The following ANKDD1A variants were observed in gnomAD, a reference collection of about 807,000 sequenced individuals.
ANKDD1A encodes the protein ankyrin repeat and death domain containing 1A, also known as ankyrin repeat and death domain-containing protein 1A.
In ANKDD1A, 59 loss-of-function variants were observed where a neutral mutation model predicts 63.5. That is an observed-to-expected ratio of 0.93 (90% CI 0.75 to 1.15). The LOEUF is 1.15. Among genes scored for constraint, ANKDD1A ranks in the 50% most tolerant of loss-of-function variants. The probability of loss-of-function intolerance (pLI) is 0.00; values close to 1 mark genes in which losing one functional copy is unlikely to be tolerated. For missense variants in ANKDD1A, 632 were observed against 656.4 expected (o/e 0.96, Z 0.41); for synonymous variants, 266 against 263.9 (o/e 1.01, Z -0.08).
chr15:64,948,877 G>A (rs200428140), intron 13 of ANKDD1A, among the ~76,000 whole-genome samples: 3 of 152,270 alleles, frequency 2.0e-5, no homozygotes, highest in East Asian at 3.9e-4. Flanking sequence ...ATTGACATTT[G>A]CATATCAATT....
rs1258125279 is a variant in ANKDD1A, at chr15:64,949,932, G to A, written c.1443G>A (p.Leu481=). 6.2e-7 allele frequency: 1 copy of A among 1,609,830 alleles called. No individual in the cohort carries two copies. Among genetic ancestry groups the A allele is most frequent in the Non-Finnish European group, 8.5e-7 (1 of 1,179,984 alleles). The change falls in exon 14 of 15, where the codon CTG becomes CTA. Residue 481 remains leucine (L), a synonymous_variant. Coordinates refer to ENST00000319580, the MANE Select transcript of ANKDD1A (RefSeq NM_182703.6). ...ATAGENPSKA[L]FEGLVAIGRR... is the part of the protein sequence containing the mutation. ...CTGGTGAGAACCCCAGCAAAGCGCT[G>A]TTCGAGGGCCTCGTGGCCATTGGCA...
intron 14 of ANKDD1A, 172 bp downstream of exon 14, chr15:64,950,144 C>T: frequency 2.0e-6 from 2 of 985,428 alleles, no homozygotes; most frequent in Non-Finnish European, 2.4e-6. Context: ...TACAGTGCCT[C>T]CTGGCCCTGG....
intron 13 of ANKDD1A, among the ~76,000 whole-genome samples, chr15:64,948,633 T>G (rs1484629057): frequency 6.6e-6 from 1 of 152,140 alleles, no homozygotes; most frequent in African/African-American, 2.4e-5. Flanking sequence ...GAGACCAGCC[T>G]GGCCAACATG....
chr15:64,953,284 C>G (rs1275878732), intron 14 of ANKDD1A, among the ~76,000 whole-genome samples: 3 of 144,796 alleles, frequency 2.1e-5, no homozygotes, highest in Non-Finnish European at 3.0e-5. Context: ...TTCTTTCCTT[C>G]TTCCTTCTTT....
At chr15:64,951,414 TTCTTC>T (rs1406482637) in intron 14 of ANKDD1A, 3 of 83,370 alleles carry the variant, frequency 3.6e-5, no homozygotes, top group Non-Finnish European at 6.0e-5. Flanking sequence ...CTTTTTTCTT[TTCTTC>T]CTCTTTTCTT....
intron 14 of ANKDD1A, among the ~76,000 whole-genome samples, chr15:64,953,757 GTTC>G (rs138489555): frequency 0.028 from 2,540 of 89,982 alleles, 120 homozygotes; most frequent in Admixed American, 0.049. Flanking sequence ...TCTTTTCTTC[GTTC>G]TTCTTCCTCT....
rs1279226475 is a variant in ANKDD1A at position 64,957,532 on chromosome 15, T to C, written c.*344T>C. On this transcript the variant is annotated 3_prime_UTR_variant, in exon 15 of 15. Coordinates refer to ENST00000319580, the MANE Select transcript of ANKDD1A (RefSeq NM_182703.6). ...TATTGAGAGTCTCATATTCATGCTT[T>C]TCTTCACAGCACTATAAAGTTGGAC... is the stretch of plus-strand genomic sequence containing the variant. 6.5e-6 allele frequency: 1 copy of C among 154,744 alleles called. No individual in the cohort carries two copies. Among genetic ancestry groups the C allele is most frequent in the Non-Finnish European group, 1.4e-5 (1 of 69,572 alleles). The allele number at this position is 154,744 out of a possible 1,614,324, so 9.6% of individuals were successfully genotyped here.
At chr15:64,942,401 C>A in intron 9 of ANKDD1A, 66 bp from the exon 10 acceptor site, 2 of 1,275,994 alleles carry the variant, frequency 1.6e-6, no homozygotes, top group Non-Finnish European at 2.2e-6. Flanking sequence ...CTGTCCCCAG[C>A]ACCAGCCTGC....
At chr15:64,927,562 C>G (rs139236879) in intron 6 of ANKDD1A, among the ~76,000 whole-genome samples, 1 of 151,896 alleles carries the variant, frequency 6.6e-6, no homozygotes, top group East Asian at 1.9e-4. Flanking sequence ...ATCATTGGAC[C>G]CTTGTGAATC....
At chr15:64,949,469 G>C (rs1398304847) in intron 13 of ANKDD1A, among the ~76,000 whole-genome samples, 1 of 152,148 alleles carries the variant, frequency 6.6e-6, no homozygotes, top group Non-Finnish European at 1.5e-5. Flanking sequence ...AGATTATTTT[G>C]AGCAGCCAGA....
chr15:64,944,781 G>C, intron 12 of ANKDD1A, 34 bp downstream of exon 12: 1 of 1,604,458 alleles, frequency 6.2e-7, no homozygotes, highest in South Asian at 1.1e-5. Flanking sequence ...TTTCCTCATT[G>C]GAAAGGGAGT....
chr15:64,913,200 CCTAT>C (rs2084945776), intron 1 of ANKDD1A, among the ~76,000 whole-genome samples: 1 of 152,118 alleles, frequency 6.6e-6, no homozygotes, highest in Admixed American at 6.5e-5. Context: ...CAGGAAGGGA[CCTAT>C]ACAGATCTCT....
At chr15:64,933,002 TG>T (rs530414406) in intron 8 of ANKDD1A, among the ~76,000 whole-genome samples, 1 of 148,844 alleles carries the variant, frequency 6.7e-6, no homozygotes, top group Admixed American at 6.7e-5. Context: ...GGCCATTGGG[TG>T]GGGGGCTGGA....
At chr15:64,951,800 CCT>C (rs1386313926) in intron 14 of ANKDD1A, among the ~76,000 whole-genome samples, 14 of 110,946 alleles carry the variant, frequency 1.3e-4, no homozygotes, top group Non-Finnish European at 1.7e-4. Flanking sequence ...TTCTTTCTTT[CCT>C]CTTTTCTTCT....
Position 64,921,933 on chromosome 15 carries a change from G to A in ANKDD1A, c.280G>A (p.Ala94Thr). The A allele has an allele frequency of 3.1e-6, 5 of 1,614,108 alleles. No homozygotes were observed. The highest frequency in any genetic ancestry group is 4.2e-6 in the Non-Finnish European group (5 of 1,180,004). The change falls in exon 4 of 15, where the codon GCG (alanine) becomes ACG (threonine). Residue 94 changes from alanine (A) to threonine (T), a missense_variant. Physicochemically the swap from Ala to Thr is moderately conservative, Grantham distance 58 (BLOSUM62 0). Transcript: ENST00000319580. ...TEARLCFGMN[A>T]LLLSAWFGHL... ...TCCTCTCCCCTAGTTTGGGATGAAT[G>A]CGCTTCTCCTGTCTGCCTGGTTCGG...
At chr15:64,950,784 CTCAT>C (rs1446375449) in intron 14 of ANKDD1A, 1 of 958,870 alleles carries the variant, frequency 1.0e-6, no homozygotes, top group Middle Eastern at 5.6e-4. Context: ...AAAGCTAAGA[CTCAT>C]TTCAGGGTAG....
At chr15:64,953,445 CTTCT>C (rs1461616872) in intron 14 of ANKDD1A, among the ~76,000 whole-genome samples, 4 of 98,606 alleles carry the variant, frequency 4.1e-5, no homozygotes, top group South Asian at 4.7e-4. Context: ...CCTTCCTTTT[CTTCT>C]TTCTTCTCTC....
At chr15:64,925,227 CAAAAAAAAAAAA>C (rs769786433) in intron 4 of ANKDD1A, among the ~76,000 whole-genome samples, 1 of 42,598 alleles carries the variant, frequency 2.3e-5, no homozygotes, top group Non-Finnish European at 5.2e-5. Context: ...GACTCCGACT[CAAAAAAAAAAAA>C]AAAAAAAAAA....
intron 14 of ANKDD1A, among the ~76,000 whole-genome samples, chr15:64,953,604 T>TTAG (rs2085349110): frequency 8.5e-5 from 6 of 71,002 alleles, no homozygotes; most frequent in Middle Eastern, 7.1e-3. Flanking sequence ...CCTTTTCTTC[T>TTAG]TTCTTCTCTC....
Sources: gnomAD v4.1 joint callset for allele counts (sites outside exome capture counted in the v4.1 genomes callset) on GRCh38, gnomAD v4.1.1 for gene constraint, MANE v1.5 for transcripts, NCBI Gene and HGNC (gene_info 2026-07-23, HGNC 2026-07-21) for gene names.